Variants in MEX3B observed in about 807,000 individuals in gnomAD.
The protein encoded by MEX3B is RNA-binding protein MEX3B.
In MEX3B, 10 loss-of-function variants were observed where a neutral mutation model predicts 12.2. The observed-to-expected ratio is 0.82, with a 90% CI of 0.51 to 1.40. The LOEUF is 1.40. MEX3B is among the 40% of genes most tolerant of loss of function. The pLI is 0.00. For missense variants in MEX3B, 839 were observed against 801.4 expected, an observed-to-expected ratio of 1.05 and a Z score of -0.57; for synonymous variants, 498 against 356.3, an observed-to-expected ratio of 1.40 and a Z score of -4.48.
Position 82,043,169 on chromosome 15 carries a change from G to A in MEX3B, c.1701C>T (p.Ile567=), listed in dbSNP as rs749728466. ...GCAGCGCCCGCTGCCTTTAAGAAAAGATGCGGATGGCCTGAGTGACCGCGG... is the reference window on the plus strand; with the variant it reads ...GCAGCGCCCGCTGCCTTTAAGAAAAAATGCGGATGGCCTGAGTGACCGCGG... ...CHTAVTQAIR[I]FS is the part of the protein sequence containing the mutation. The change falls in exon 2 of 2, where the codon ATC becomes ATT. Residue 567 remains isoleucine, a synonymous_variant. Transcript: ENST00000329713. The A allele has an allele frequency of 4.6e-6, 7 of 1,530,900 alleles. No homozygotes were observed. Among genetic ancestry groups the A allele is most frequent in the Non-Finnish European group, 5.3e-6 (6 of 1,138,148 alleles). The allele number at this position is 1,530,900 out of a possible 1,614,324, so 94.8% of individuals were successfully genotyped here.
Position 82,043,546 on chromosome 15 carries a change from A to T in MEX3B, c.1324T>A (p.Ser442Thr). 6.5e-7 allele frequency: 1 copy of T among 1,531,468 alleles called. No homozygotes were observed. Among genetic ancestry groups the T allele is most frequent in the Non-Finnish European group, 8.8e-7 (1 of 1,141,186 alleles). 94.9% of individuals were successfully genotyped at this position (1,531,468 alleles called of 1,614,324 possible). Reference sequence around the variant, plus strand: ...CCCGGGGCCATGTGCAAGGGTGGAGACAGGCGCGGGCAGCTGGTGCCAGGG... The same window carrying T: ...CCCGGGGCCATGTGCAAGGGTGGAGTCAGGCGCGGGCAGCTGGTGCCAGGG... The part of the protein sequence containing the change: ...LHPGTSCPRL[S>T]PPLHMAPGAG... Residue 442 changes from serine to threonine, a missense_variant, in exon 2 of 2, where the codon TCT becomes ACT. Ser to Thr is a moderately conservative substitution (Grantham distance 58, BLOSUM62 1). Transcript: ENST00000329713.
rs1195570504 is a variant in MEX3B, at chr15:82,044,636, G to A, written c.257-23C>T. 1.2e-5 allele frequency: 20 copies of A among 1,612,690 alleles called. No individual in the cohort carries two copies. Among genetic ancestry groups the A allele is most frequent in the Non-Finnish European group, 1.4e-5 (17 of 1,179,100 alleles). ...AACCTACGAACCAGGGTGCGGAGGA[G>A]GGAGTGGGAGAGAGAGACAGACACG... On this transcript the variant is annotated intron_variant, in intron 1 of 1. Transcript: ENST00000329713. The surrounding 1 kb of genome is among the most constrained non-coding windows in gnomAD (Gnocchi z 5.3).
rs139181505 is a variant in MEX3B, at chr15:82,043,800, G to A, written c.1070C>T (p.Pro357Leu). ...CGGGTCAAAAGTGGGCTGCAGCTCGGGGCAGCCGTCGGGGGATGGCACTGA... is the reference window on the plus strand; with the variant it reads ...CGGGTCAAAAGTGGGCTGCAGCTCGAGGCAGCCGTCGGGGGATGGCACTGA... ...EASVPSPDGC[P>L]ELQPTFDPAP... Residue 357 changes from proline (P) to leucine (L), a missense_variant, in exon 2 of 2, where the codon CCC becomes CTC. Physicochemically the swap from Pro to Leu is moderately conservative, Grantham distance 98. This residue lies in a region of MEX3B where 573 missense variants were observed against 488.9 expected (regional missense o/e 1.17). Transcript: ENST00000329713. The A allele has an allele frequency of 1.9e-5, 30 of 1,585,122 alleles. No homozygotes were observed. Among genetic ancestry groups the A allele is most frequent in the Non-Finnish European group, 2.4e-5 (28 of 1,166,396 alleles).
Position 82,044,387 on chromosome 15 carries a change from G to A in MEX3B, c.483C>T (p.Thr161=), listed in dbSNP as rs745490024. Reference sequence around the variant, plus strand: ...GGTAGGGTACCCGCACTTGGATGGTGGTCTGCCCGGGCAGGTTGGGCGGCC... The same window carrying A: ...GGTAGGGTACCCGCACTTGGATGGTAGTCTGCCCGGGCAGGTTGGGCGGCC... ...VPGPPNLPGQ[T]TIQVRVPYRV... Residue 161 remains threonine (T), a synonymous_variant, in exon 2 of 2, where the codon ACC becomes ACT. Coordinates refer to ENST00000329713, the MANE Select transcript of MEX3B (RefSeq NM_032246.6). The surrounding 1 kb of genome is among the most constrained non-coding windows in gnomAD (Gnocchi z 5.3). The A allele has an allele frequency of 1.2e-5, 20 of 1,611,058 alleles. No individual in the cohort carries two copies. The South Asian group carries it at 2.0e-4, about 16-fold the overall frequency.
At position 82,044,199 on chromosome 15, in the gene MEX3B, T is replaced by C. The variant is rs1187988750; in HGVS notation, c.671A>G (p.His224Arg). The C allele has an allele frequency of 6.2e-7, 1 of 1,614,036 alleles. No homozygotes were observed. The highest frequency in any genetic ancestry group is 1.7e-5 in the Admixed American group (1 of 60,030). The part of the protein sequence containing the change: ...VDRAREEIEA[H>R]IALRTGGIIE... ...GATGCCGCCGGTACGCAGAGCAATG[T>C]GCGCCTCAATCTCCTCTCGAGCGCG... The change falls in exon 2 of 2, where the codon CAC (histidine) becomes CGC (arginine). Residue 224 changes from histidine to arginine, a missense_variant. Around this residue, in one of 3 missense-constraint regions of MEX3B, gnomAD observed 573 missense variants for 488.9 expected, o/e 1.17. Transcript: ENST00000329713. This position sits in a 1 kb window ranked among gnomAD's most constrained non-coding sequence, Gnocchi z 5.3.
rs1005731156 is a variant in MEX3B, at chr15:82,045,822, G to C, written c.-117C>G. The stretch of plus-strand genomic sequence containing the variant: ...GGCGGGGAGGCCGGTCGCCTGCTGA[G>C]GGCTCCGTTGCTTCTTCCTCGGTGC... On this transcript the variant is annotated 5_prime_UTR_variant, in exon 1 of 2. Coordinates refer to ENST00000329713, the MANE Select transcript of MEX3B (RefSeq NM_032246.6). 8.8e-7 allele frequency: 1 copy of C among 1,141,140 alleles called. No homozygotes were observed. The allele number at this position is 1,141,140 out of a possible 1,614,324, so 70.7% of individuals were successfully genotyped here. A position where few individuals can be genotyped will look rare whatever the true frequency, so the allele number is the denominator to read the frequency against.
chr15:82,044,434 C>T lies in MEX3B; in HGVS notation c.436G>A (p.Ala146Thr), dbSNP rs145427369. The T allele has an allele frequency of 2.2e-5, 36 of 1,612,824 alleles. No individual in the cohort carries two copies. The highest frequency in any genetic ancestry group is 1.6e-4 in the Middle Eastern group (1 of 6,062). The stretch of plus-strand genomic sequence containing the variant: ...GGCCCAGGCACCGCGCCGTTGAGTG[C>T]CGTGTTCTTATTCCGGGAGGCGCGG... ...MIRASRNKNTALNGAVPGPPN... is the reference protein window; with the variant it reads ...MIRASRNKNTTLNGAVPGPPN... The change falls in exon 2 of 2, where the codon GCA becomes ACA. Residue 146 changes from alanine (A) to threonine (T), a missense_variant. Coordinates refer to ENST00000329713, the MANE Select transcript of MEX3B (RefSeq NM_032246.6). The surrounding 1 kb of genome is among the most constrained non-coding windows in gnomAD (Gnocchi z 5.3).
rs761542950 is a variant in MEX3B, at chr15:82,043,699, G to C, written c.1171C>G (p.Pro391Ala). ...ERSPGGGPAA[P>A]VSSSCSSSAS... ...GAAGAAGAGCAGGAAGAAGATACCG[G>C]AGCTGCAGGTCCGCCTCCCGGGGAC... is the stretch of plus-strand genomic sequence containing the variant. The change falls in exon 2 of 2, where the codon CCG becomes GCG. Residue 391 changes from proline (P) to alanine (A), a missense_variant. Around this residue, in one of 3 missense-constraint regions of MEX3B, gnomAD observed 573 missense variants for 488.9 expected, o/e 1.17. Transcript: ENST00000329713. 2.5e-6 allele frequency: 4 copies of C among 1,600,706 alleles called. No individual in the cohort carries two copies. The Admixed American group carries it at 5.2e-5, about 21-fold the overall frequency.
rs1401066882 is a variant in MEX3B, at chr15:82,042,125, A to G, written c.*1035T>C. 6.6e-6 allele frequency: 1 copy of G among 152,654 alleles called. No homozygotes were observed. The highest frequency in any genetic ancestry group is 2.4e-5 in the African/African-American group (1 of 41,460). The allele number at this position is 152,654 out of a possible 1,614,324, so 9.5% of individuals were successfully genotyped here. On this transcript the variant is annotated 3_prime_UTR_variant, in exon 2 of 2. Coordinates refer to ENST00000329713, the MANE Select transcript of MEX3B (RefSeq NM_032246.6). ...AACAGAATTTTTGTAACTTGCACTG[A>G]ATTCTATTTATACAAATGTTAGAAA...
chr15:82,044,117 A>C lies in MEX3B; in HGVS notation c.753T>G (p.Asp251Glu). The C allele has an allele frequency of 6.2e-7, 1 of 1,613,302 alleles. No homozygotes were observed. Among genetic ancestry groups the C allele is most frequent in the Non-Finnish European group, 8.5e-7 (1 of 1,179,996 alleles). Residue 251 changes from aspartate (D) to glutamate (E), a missense_variant, in exon 2 of 2, where the codon GAT becomes GAG. Physicochemically the swap from Asp to Glu is conservative, Grantham distance 45 (BLOSUM62 2). Transcript: ENST00000329713. This position sits in a 1 kb window ranked among gnomAD's most constrained non-coding sequence, Gnocchi z 5.3. ...CGGACCCGCCGGACCCATGATGCAGATCGAAGCCCACATCGGTGCCGTTGG... is the reference window on the plus strand; with the variant it reads ...CGGACCCGCCGGACCCATGATGCAGCTCGAAGCCCACATCGGTGCCGTTGG... ...FHANGTDVGF[D>E]LHHGSGGSGP... is the part of the protein sequence containing the mutation.
chr15:82,044,681 C>G lies in MEX3B; in HGVS notation c.257-68G>C, dbSNP rs1243655510. On this transcript the variant is annotated intron_variant, in intron 1 of 1. Transcript: ENST00000329713. The surrounding 1 kb of genome is among the most constrained non-coding windows in gnomAD (Gnocchi z 5.3). ...GACACGCCCATTATCCTGGGGTAACCGCGGGGACCGGGGACAGCCCGCGTC... is the reference window on the plus strand; with the variant it reads ...GACACGCCCATTATCCTGGGGTAACGGCGGGGACCGGGGACAGCCCGCGTC... 2.0e-6 allele frequency: 3 copies of G among 1,531,650 alleles called. No individual in the cohort carries two copies. Among genetic ancestry groups the G allele is most frequent in the South Asian group, 2.2e-5 (2 of 88,892 alleles). The allele number at this position is 1,531,650 out of a possible 1,614,324, so 94.9% of individuals were successfully genotyped here.
chr15:82,045,645 T>TGCC lies in MEX3B; in HGVS notation c.58_60dup (p.Gly20dup), dbSNP rs560390686. 2.3e-3 allele frequency: 3,556 copies of TGCC among 1,575,792 alleles called. 16 individuals are homozygous for TGCC. Among genetic ancestry groups the TGCC allele is most frequent in the Middle Eastern group, 0.012 (73 of 5,942 alleles). The stretch of plus-strand genomic sequence containing the variant: ...TCCAGGGTCTCTCCCCCTCCGCTGC[T>TGCC]GCCGCCGCCGCCGCCGCCGCTGCCG... On this transcript the variant is annotated inframe_insertion, in exon 1 of 2. Coordinates refer to ENST00000329713, the MANE Select transcript of MEX3B (RefSeq NM_032246.6).
chr15:82,044,685 G>A lies in MEX3B; in HGVS notation c.257-72C>T. 2.7e-6 allele frequency: 4 copies of A among 1,475,798 alleles called. No homozygotes were observed. The highest frequency in any genetic ancestry group is 3.8e-6 in the Non-Finnish European group (4 of 1,061,472). The allele number at this position is 1,475,798 out of a possible 1,614,324, so 91.4% of individuals were successfully genotyped here. On this transcript the variant is annotated intron_variant, in intron 1 of 1. Coordinates refer to ENST00000329713, the MANE Select transcript of MEX3B (RefSeq NM_032246.6). The surrounding 1 kb of genome is among the most constrained non-coding windows in gnomAD (Gnocchi z 5.3). ...CGCCCATTATCCTGGGGTAACCGCG[G>A]GGACCGGGGACAGCCCGCGTCCAGG...
In MEX3B at chr15:82,044,797, C is replaced by G; in HGVS notation, c.257-184G>C. ...CCGCGCCACGGGCTGGGCAGCGGAT[C>G]CCACCCGCGAGGCGCTCGAGGAACA... is the stretch of plus-strand genomic sequence containing the variant. On this transcript the variant is annotated intron_variant, in intron 1 of 1. Transcript: ENST00000329713. This position sits in a 1 kb window ranked among gnomAD's most constrained non-coding sequence, Gnocchi z 5.3. 1 of 648,622 alleles carries G rather than the reference C, an allele frequency of 1.5e-6. No homozygotes were observed. Among genetic ancestry groups the G allele is most frequent in the Non-Finnish European group, 2.7e-6 (1 of 374,428 alleles). 40.2% of individuals were successfully genotyped at this position (648,622 alleles called of 1,614,324 possible). A position where few individuals can be genotyped will look rare whatever the true frequency, so the allele number is the denominator to read the frequency against.
chr15:82,043,059 G>A lies in MEX3B; in HGVS notation c.*101C>T, dbSNP rs532698928. 3.7e-6 allele frequency: 4 copies of A among 1,078,154 alleles called. No individual in the cohort carries two copies. In the African/African-American group the frequency reaches 4.9e-5, roughly 13 times the overall value. The allele number at this position is 1,078,154 out of a possible 1,614,324, so 66.8% of individuals were successfully genotyped here. A position where few individuals can be genotyped will look rare whatever the true frequency, so the allele number is the denominator to read the frequency against. The stretch of plus-strand genomic sequence containing the variant: ...TGGTGGGGCCGGGAAGGAGAAGGGA[G>A]AGGGGGGGCACCCAGGGAGGCAGGC... On this transcript the variant is annotated 3_prime_UTR_variant, in exon 2 of 2. Transcript: ENST00000329713.
chr15:82,043,744 T>G lies in MEX3B; in HGVS notation c.1126A>C (p.Ile376Leu). The G allele has an allele frequency of 1.3e-5, 20 of 1,570,550 alleles. No individual in the cohort carries two copies. Among genetic ancestry groups the G allele is most frequent in the Non-Finnish European group, 1.7e-5 (20 of 1,159,870 alleles). ...APAPPPGAPL[I>L]WAQFERSPGG... ...GGGGACCGCTCGAACTGGGCCCAGA[T>G]AAGTGGTGCCCCAGGTGGGGGAGCG... Residue 376 changes from isoleucine to leucine, a missense_variant, in exon 2 of 2, where the codon ATC becomes CTC. Ile to Leu is a conservative substitution (Grantham distance 5). Transcript: ENST00000329713.
chr15:82,044,145 T>C lies in MEX3B; in HGVS notation c.725A>G (p.His242Arg). 1 of 1,613,758 alleles carries C rather than the reference T, an allele frequency of 6.2e-7. No homozygotes were observed. The highest frequency in any genetic ancestry group is 8.5e-7 in the Non-Finnish European group (1 of 1,180,018). ...IIELTDENDF[H>R]ANGTDVGFDL... ...GAAGCCCACATCGGTGCCGTTGGCG[T>C]GGAAGTCGTTCTCGTCTGTGAGCTC... Residue 242 changes from histidine to arginine, a missense_variant, in exon 2 of 2, where the codon CAC (histidine) becomes CGC (arginine). Transcript: ENST00000329713. This position sits in a 1 kb window ranked among gnomAD's most constrained non-coding sequence, Gnocchi z 5.3.
rs1305898703 is a variant in MEX3B at position 82,043,073 on chromosome 15, A to C, written c.*87T>G. Reference sequence around the variant, plus strand: ...AGGAGAAGGGAGAGGGGGGGCACCCAGGGAGGCAGGCGAGCGCTGGGGAAA... The same window carrying C: ...AGGAGAAGGGAGAGGGGGGGCACCCCGGGAGGCAGGCGAGCGCTGGGGAAA... On this transcript the variant is annotated 3_prime_UTR_variant, in exon 2 of 2. Coordinates refer to ENST00000329713, the MANE Select transcript of MEX3B (RefSeq NM_032246.6). 8.1e-7 allele frequency: 1 copy of C among 1,237,270 alleles called. No individual in the cohort carries two copies. Among genetic ancestry groups the C allele is most frequent in the Non-Finnish European group, 1.0e-6 (1 of 953,238 alleles). 76.6% of individuals were successfully genotyped at this position (1,237,270 alleles called of 1,614,324 possible).
At position 82,043,814 on chromosome 15, in the gene MEX3B, G is replaced by A. The variant is rs766108835; in HGVS notation, c.1056C>T (p.Ser352=). Residue 352 remains serine (S), a synonymous_variant, in exon 2 of 2, where the codon TCC becomes TCT. Transcript: ENST00000329713. ...GCTGCAGCTCGGGGCAGCCGTCGGG[G>A]GATGGCACTGAGGCTTCTCCCCCCG... ...YTAGGEASVP[S]PDGCPELQPT... is the part of the protein sequence containing the mutation. 1.0e-5 allele frequency: 16 copies of A among 1,589,342 alleles called. No homozygotes were observed. Among genetic ancestry groups the A allele is most frequent in the East Asian group, 2.2e-5 (1 of 44,730 alleles).
Sources: gnomAD v4.1 joint callset for allele counts on GRCh38, gnomAD v4.1.1 for gene constraint, gnomAD v4.1.1 regional missense constraint, Gnocchi (gnomAD v3.1) non-coding constraint, MANE v1.5 for transcripts, NCBI Gene and HGNC (gene_info 2026-07-23, HGNC 2026-07-21) for gene names.